CYTH1: variants seen among roughly 807,000 people sequenced by gnomAD.
CYTH1 encodes cytohesin-1.
Under a neutral mutation model 61.8 loss-of-function variants are expected in CYTH1, and 18 were observed. That is an observed-to-expected ratio of 0.29 (90% CI 0.20 to 0.43). The LOEUF (loss-of-function observed/expected upper bound fraction) is 0.43, where lower values mean the gene tolerates loss of function less well. CYTH1 is among the 20% of genes least tolerant of loss of function. The pLI is 1.00. For missense variants in CYTH1, 336 were observed against 510.5 expected (o/e 0.66, Z 3.29); for synonymous variants, 174 against 184.3 (o/e 0.94, Z 0.45).
chr17:78,733,872 C>T (rs1244451095), intron 1 of CYTH1, among the ~76,000 whole-genome samples: 1 of 152,236 alleles, frequency 6.6e-6, no homozygotes, highest in African/African-American at 2.4e-5. Context: ...CTGAAGGGGG[C>T]TTAGTGTCTG....
intron 1 of CYTH1, among the ~76,000 whole-genome samples, chr17:78,712,421 G>A (rs1323760470): frequency 6.6e-6 from 1 of 152,024 alleles, no homozygotes; most frequent in African/African-American, 2.4e-5. Flanking sequence ...GGGAGGCCGA[G>A]GTGAGTAGAT....
At chr17:78,695,268 A>C (rs1450280353) in intron 10 of CYTH1, among the ~76,000 whole-genome samples, 5 of 152,196 alleles carry the variant, frequency 3.3e-5, no homozygotes, top group Non-Finnish European at 5.9e-5. Flanking sequence ...CTCGCTGAAA[A>C]AGCGAGGGAG....
chr17:78,760,498 CAT>C (rs1405292304), intron 1 of CYTH1, among the ~76,000 whole-genome samples: 3 of 39,452 alleles, frequency 7.6e-5, no homozygotes, highest in Admixed American at 2.7e-4. Flanking sequence ...TATATATATA[CAT>C]ATATATGTAT....
In CYTH1 at chr17:78,750,798, T is replaced by C. The variant is rs867235372; in HGVS notation, c.22+31404A>G. Reference sequence around the variant, plus strand: ...GACTGGGCGAGAGAGCGAGACTCCATCTCAAAAAAAAAAAAAACAAAAATA... The same window carrying C: ...GACTGGGCGAGAGAGCGAGACTCCACCTCAAAAAAAAAAAAAACAAAAATA... On this transcript the variant is annotated intron_variant, in intron 1 of 13. Transcript: ENST00000446868. 9.0e-5 allele frequency among the ~76,000 whole-genome samples: 10 copies of C among 111,688 alleles called. 3 individuals are homozygous for C. The highest frequency in any genetic ancestry group is 9.1e-5 in the Admixed American group (1 of 10,992). The allele number at this position is 111,688 out of a possible 152,430, so 73.3% of individuals were successfully genotyped here.
At chr17:78,752,675 C>T (rs936643093) in intron 1 of CYTH1, among the ~76,000 whole-genome samples, 4 of 152,034 alleles carry the variant, frequency 2.6e-5, no homozygotes, top group South Asian at 2.1e-4. Context: ...ATGATCCACC[C>T]GCCTCAGCCT....
intron 1 of CYTH1, among the ~76,000 whole-genome samples, chr17:78,763,612 AAAG>A (rs2093437178): frequency 6.6e-6 from 1 of 152,230 alleles, no homozygotes; most frequent in Non-Finnish European, 1.5e-5. Context: ...AATAAATAAT[AAAG>A]AACAATAAGT....
At chr17:78,765,648 C>T (rs1240788705) in intron 1 of CYTH1, among the ~76,000 whole-genome samples, 1 of 152,100 alleles carries the variant, frequency 6.6e-6, no homozygotes, top group Non-Finnish European at 1.5e-5. Context: ...GCTGTCCTGA[C>T]TAAACAGAAG....
At position 78,687,574 on chromosome 17, in the gene CYTH1, G is replaced by A. The variant is rs551081346; in HGVS notation, c.891+4843C>T. ...GGTTCTTTTGTGGTTGGGAAGTATC[G>A]CTCAAGCTCTTCTGAAAGCTGAGGC... On this transcript the variant is annotated intron_variant, in intron 11 of 13. Transcript: ENST00000446868. Among the ~76,000 whole-genome samples, 8 of 152,214 alleles carry A rather than the reference G, an allele frequency of 5.3e-5. No homozygotes were observed. In the East Asian group the frequency reaches 7.7e-4, roughly 15 times the overall value.
rs956692099 is a variant in CYTH1 at position 78,674,906 on chromosome 17, C to G, written c.*1185G>C. On this transcript the variant is annotated 3_prime_UTR_variant, in exon 14 of 14. Coordinates refer to ENST00000446868, the MANE Select transcript of CYTH1 (RefSeq NM_004762.6). Reference sequence around the variant, plus strand: ...GCGCCTGCAGGGGAAGACAGAGATGCGAGAGGCAGCCCGGCCACCCCCCTC... The same window carrying G: ...GCGCCTGCAGGGGAAGACAGAGATGGGAGAGGCAGCCCGGCCACCCCCCTC... 1.3e-5 allele frequency: 2 copies of G among 153,228 alleles called. No individual in the cohort carries two copies. Among genetic ancestry groups the G allele is most frequent in the Non-Finnish European group, 2.9e-5 (2 of 68,902 alleles). The allele number at this position is 153,228 out of a possible 1,614,324, so 9.5% of individuals were successfully genotyped here. A position where few individuals can be genotyped will look rare whatever the true frequency, so the allele number is the denominator to read the frequency against.
chr17:78,765,087 A>G (rs902437719), intron 1 of CYTH1, among the ~76,000 whole-genome samples: 7 of 152,124 alleles, frequency 4.6e-5, no homozygotes, highest in Non-Finnish European at 1.0e-4. Flanking sequence ...TAGCTGGAGA[A>G]AGGCCCGAGC....
intron 1 of CYTH1, among the ~76,000 whole-genome samples, chr17:78,741,639 G>A (rs1219878814): frequency 1.3e-5 from 2 of 152,190 alleles, no homozygotes; most frequent in Non-Finnish European, 2.9e-5. Flanking sequence ...GACGGGGTGC[G>A]AGGGCATCAT....
rs2092993155 is a variant in CYTH1 at position 78,700,198 on chromosome 17, CTAT to C, written c.550+130_550+132del. The C allele has an allele frequency of 1.4e-6, 1 of 738,782 alleles. No individual in the cohort carries two copies. The highest frequency in any genetic ancestry group is 2.1e-6 in the Non-Finnish European group (1 of 474,618). The allele number at this position is 738,782 out of a possible 1,614,324, so 45.8% of individuals were successfully genotyped here. Reference sequence around the variant, plus strand: ...CTTTCAGGTTATTTCCAACATTTTACTATTATAACTATCATTGAGTAAACGTTC... The same window carrying C: ...CTTTCAGGTTATTTCCAACATTTTACTATAACTATCATTGAGTAAACGTTC... On this transcript the variant is annotated intron_variant, in intron 7 of 13. Transcript: ENST00000446868. The surrounding 1 kb of genome is among the most constrained non-coding windows in gnomAD (Gnocchi z 5.1).
intron 11 of CYTH1, among the ~76,000 whole-genome samples, chr17:78,681,901 G>A (rs1176144343): frequency 6.6e-6 from 1 of 151,256 alleles, no homozygotes; most frequent in Non-Finnish European, 1.5e-5. Context: ...GAGTCTTTCA[G>A]CCATTTCCCC....
chr17:78,727,929 G>C, intron 1 of CYTH1: 3 of 323,784 alleles, frequency 9.3e-6, no homozygotes, highest in South Asian at 6.9e-5. Flanking sequence ...GAGATCCAGG[G>C]CAGCACACCC....
intron 1 of CYTH1, among the ~76,000 whole-genome samples, chr17:78,758,181 G>A (rs2093409280): frequency 6.6e-6 from 1 of 152,176 alleles, no homozygotes; most frequent in Non-Finnish European, 1.5e-5. Flanking sequence ...CAGGAACAAA[G>A]TGGAAACTTC....
chr17:78,734,125 C>T (rs1175806561), intron 1 of CYTH1, among the ~76,000 whole-genome samples: 1 of 151,944 alleles, frequency 6.6e-6, no homozygotes, highest in Non-Finnish European at 1.5e-5. Flanking sequence ...TGGCATGCAC[C>T]TGCAGTCCCA....
chr17:78,703,985 T>C (rs973058004), intron 3 of CYTH1, among the ~76,000 whole-genome samples: 8 of 152,256 alleles, frequency 5.3e-5, no homozygotes, highest in South Asian at 2.1e-4. Context: ...ACATCTGTAT[T>C]TAACTTTTTA....
At chr17:78,699,510 T>C (rs1488079591) in intron 7 of CYTH1, among the ~76,000 whole-genome samples, 1 of 152,094 alleles carries the variant, frequency 6.6e-6, no homozygotes, top group Non-Finnish European at 1.5e-5. Flanking sequence ...TTTTTTCAGA[T>C]TGGAAAGGAG....
At chr17:78,774,227 T>C (rs1407050844) in intron 1 of CYTH1, among the ~76,000 whole-genome samples, 8 of 152,214 alleles carry the variant, frequency 5.3e-5, no homozygotes, top group African/African-American at 1.7e-4. Flanking sequence ...CTCTGACATG[T>C]TCATGTCACC....
Sources: allele counts gnomAD v4.1 joint callset (sites outside exome capture counted in the v4.1 genomes callset), GRCh38; gene constraint gnomAD v4.1.1; non-coding constraint Gnocchi (gnomAD v3.1); transcripts MANE v1.5; gene names NCBI Gene and HGNC (gene_info 2026-07-23, HGNC 2026-07-21).